The following EYS variants were observed in gnomAD, a reference collection of about 807,000 sequenced individuals.
The protein encoded by EYS is EGF-like photoreceptor maintenance factor, also known as protein eyes shut homolog.
A neutral mutation model predicts 282.1 loss-of-function variants in EYS; 250 were observed. The ratio of observed to expected loss-of-function variants is 0.89; its 90% CI spans 0.80 to 0.98. EYS has a LOEUF of 0.98. EYS is among the 50% of genes least tolerant of loss of function. EYS has a pLI of 0.00. For missense variants in EYS, 4,016 were observed against 3,709.0 expected (o/e 1.08, Z -2.15); for synonymous variants, 1,355 against 1,282.9 (o/e 1.06, Z -1.20).
chr6:65,702,109 A>G (rs1769699770), intron 1 of EYS, among the ~76,000 whole-genome samples: 1 of 152,184 alleles, frequency 6.6e-6, no homozygotes. Flanking sequence ...CTGCCCTACC[A>G]TATCCTCAAT....
chr6:64,045,110 T>C (rs983032835), intron 33 of EYS, among the ~76,000 whole-genome samples: 3 of 152,160 alleles, frequency 2.0e-5, no homozygotes, highest in Non-Finnish European at 4.4e-5. Context: ...AGAACAAACA[T>C]TGCTTTCAGC....
Position 65,494,964 on chromosome 6 carries a change from G to A in EYS, c.447C>T (p.Ile149=), listed in dbSNP as rs761035271. The change falls in exon 4 of 43, where the codon ATC becomes ATT. Residue 149 remains isoleucine (I), a synonymous_variant. Coordinates refer to ENST00000503581, the MANE Select transcript of EYS (RefSeq NM_001142800.2). ...GTGATGGACCACTTGCCATAACTGT[G>A]ATAAAATAATGTGTCCCAACACTCA... The part of the protein sequence containing the change: ...KWLSVGTHYF[I]TVMASGPSPC... The A allele has an allele frequency of 6.8e-6, 11 of 1,614,146 alleles. No individual in the cohort carries two copies. The highest frequency in any genetic ancestry group is 8.5e-6 in the Non-Finnish European group (10 of 1,180,016).
At chr6:65,130,432 T>C (rs1213813792) in intron 12 of EYS, among the ~76,000 whole-genome samples, 1 of 151,910 alleles carries the variant, frequency 6.6e-6, no homozygotes. Context: ...TGTAAGACAA[T>C]TGACTGCAAT....
chr6:64,086,083 G>C (rs535259888), intron 31 of EYS, among the ~76,000 whole-genome samples: 15 of 152,218 alleles, frequency 9.9e-5, no homozygotes, highest in African/African-American at 3.4e-4. Flanking sequence ...AGTTTCCAAG[G>C]CTCTGTCCTC....
chr6:65,091,143 T>C (rs973019285), intron 12 of EYS, among the ~76,000 whole-genome samples: 37 of 151,678 alleles, frequency 2.4e-4, no homozygotes, highest in African/African-American at 8.7e-4. Context: ...TATTATAAAT[T>C]TTAAAAACTG....
rs111236633 is a variant in EYS at position 64,642,839 on chromosome 6, G to C, written c.3444-16594C>G. Reference sequence around the variant, plus strand: ...TTTATTAATAGATAGTACTGGGCCAGGTGCGGTGGCTCACGCCTGTAATCC... The same window carrying C: ...TTTATTAATAGATAGTACTGGGCCACGTGCGGTGGCTCACGCCTGTAATCC... On this transcript the variant is annotated intron_variant, in intron 22 of 42. Coordinates refer to ENST00000503581, the MANE Select transcript of EYS (RefSeq NM_001142800.2). 3.8e-3 allele frequency among the ~76,000 whole-genome samples: 581 copies of C among 152,328 alleles called. 5 individuals carry two copies. Among genetic ancestry groups the C allele is most frequent in the African/African-American group, 0.013 (530 of 41,568 alleles).
chr6:64,532,886 C>A (rs1764396074), intron 26 of EYS, among the ~76,000 whole-genome samples: 1 of 152,030 alleles, frequency 6.6e-6, no homozygotes, highest in Admixed American at 6.6e-5. Flanking sequence ...GTTGGAGCAA[C>A]CCCCTATTTT....
intron 8 of EYS, among the ~76,000 whole-genome samples, chr6:65,372,198 G>A (rs1161614110): frequency 1.3e-5 from 2 of 151,858 alleles, no homozygotes; most frequent in Admixed American, 1.3e-4. Context: ...AGTTGCAAAA[G>A]AAGAGAATCA....
chr6:65,198,884 TG>T (rs1163188641), intron 12 of EYS, among the ~76,000 whole-genome samples: 2 of 151,980 alleles, frequency 1.3e-5, no homozygotes, highest in Non-Finnish European at 2.9e-5. Context: ...TGGATTTGAT[TG>T]GGGGGTGCTG....
At chr6:64,718,396 A>G (rs149657117) in intron 22 of EYS, among the ~76,000 whole-genome samples, 132 of 152,036 alleles carry the variant, frequency 8.7e-4, no homozygotes, top group African/African-American at 3.1e-3. Context: ...CCTTCCAATA[A>G]CCTCTCCCTA....
At chr6:64,492,016 T>C (rs947509334) in intron 26 of EYS, among the ~76,000 whole-genome samples, 1 of 151,152 alleles carries the variant, frequency 6.6e-6, no homozygotes, top group Non-Finnish European at 1.5e-5. Context: ...GAGAATGCTA[T>C]AGCCAAGAGA....
intron 27 of EYS, among the ~76,000 whole-genome samples, chr6:64,438,223 C>T (rs1774816015): frequency 6.6e-6 from 1 of 151,758 alleles, no homozygotes; most frequent in Non-Finnish European, 1.5e-5. Context: ...ACTTTTTGAT[C>T]TCACAGTCTC....
At chr6:65,549,666 T>C (rs748869836) in intron 2 of EYS, among the ~76,000 whole-genome samples, 1 of 152,226 alleles carries the variant, frequency 6.6e-6, no homozygotes, top group East Asian at 1.9e-4. Flanking sequence ...CTTAAAACAT[T>C]CATTTTTGAA....
chr6:64,303,768 G>A (rs906769849), intron 30 of EYS, among the ~76,000 whole-genome samples: 1 of 150,374 alleles, frequency 6.7e-6, no homozygotes, highest in Non-Finnish European at 1.5e-5. Context: ...GTGAACCCGG[G>A]AGGCGGAGCT....
chr6:65,588,951 C>T (rs1188877120), intron 2 of EYS, among the ~76,000 whole-genome samples: 1 of 151,604 alleles, frequency 6.6e-6, no homozygotes, highest in Non-Finnish European at 1.5e-5. Flanking sequence ...TTTTTGAAAC[C>T]CCTAAATTAA....
chr6:65,302,399 C>A (rs1768868463), intron 11 of EYS: 7 of 662,332 alleles, frequency 1.1e-5, no homozygotes, highest in Non-Finnish European at 1.9e-5. Flanking sequence ...AAGACAATTT[C>A]TGTGATCAAG....
At chr6:65,451,174 A>G (rs1449558144) in intron 5 of EYS, among the ~76,000 whole-genome samples, 1 of 152,010 alleles carries the variant, frequency 6.6e-6, no homozygotes, top group Admixed American at 6.6e-5. Flanking sequence ...TAGAAAGACA[A>G]TGCATGCAGA....
chr6:64,644,472 G>A (rs1013126964), intron 22 of EYS, among the ~76,000 whole-genome samples: 1 of 152,084 alleles, frequency 6.6e-6, no homozygotes, highest in Non-Finnish European at 1.5e-5. Flanking sequence ...TGATGAGAAT[G>A]TATGAATTTT....
At chr6:63,729,534 T>G (rs1390358918) in intron 41 of EYS, among the ~76,000 whole-genome samples, 4 of 152,016 alleles carry the variant, frequency 2.6e-5, no homozygotes, top group Admixed American at 2.6e-4. Flanking sequence ...TTTTTTTTTT[T>G]CTTTTTGCAT....
Sources: gnomAD v4.1 joint callset for allele counts (sites outside exome capture counted in the v4.1 genomes callset) on GRCh38, gnomAD v4.1.1 for gene constraint, MANE v1.5 for transcripts, NCBI Gene and HGNC (gene_info 2026-07-23, HGNC 2026-07-21) for gene names.